The following MTMR12 variants were observed in gnomAD, a reference collection of about 807,000 sequenced individuals.
MTMR12 encodes the protein myotubularin related protein 12.
In MTMR12, 33 loss-of-function variants were observed where a neutral mutation model predicts 96.7. That is an observed-to-expected ratio of 0.34 (90% confidence interval 0.26 to 0.46). The LOEUF (loss-of-function observed/expected upper bound fraction) is 0.46, where lower values mean the gene tolerates loss of function less well. Among genes scored for constraint, MTMR12 ranks in the 20% least tolerant of loss-of-function variants. The pLI, the probability that MTMR12 is intolerant of heterozygous loss-of-function variation, is 1.00. For synonymous variants in MTMR12, 298 were observed against 327.2 expected, an observed-to-expected ratio of 0.91 and a Z score of 0.96; for missense variants, 721 against 896.1, an observed-to-expected ratio of 0.80 and a Z score of 2.49.
rs934500571 is a variant in MTMR12 at position 32,312,283 on chromosome 5, G to A, written c.81+475C>T. On this transcript the variant is annotated intron_variant, in intron 1 of 15. Transcript: ENST00000382142. This position sits in a 1 kb window ranked among gnomAD's most constrained non-coding sequence, Gnocchi z 5.0. ...TGACGGGAGGCGGACGTAGGTGCAGGGCATCCCGCCAGCCGCACCCGAGGC... is the reference window on the plus strand; with the variant it reads ...TGACGGGAGGCGGACGTAGGTGCAGAGCATCCCGCCAGCCGCACCCGAGGC... Among the ~76,000 whole-genome samples, 11 of 152,168 alleles carry A rather than the reference G, an allele frequency of 7.2e-5. No individual in the cohort carries two copies. The highest frequency in any genetic ancestry group is 8.8e-5 in the Non-Finnish European group (6 of 68,030).
In MTMR12 at chr5:32,229,821, A is replaced by C. The variant is rs755883617; in HGVS notation, c.2201T>G (p.Leu734Trp). The change falls in exon 16 of 16, where the codon TTG becomes TGG. Residue 734 changes from leucine to tryptophan, a missense_variant. Coordinates refer to ENST00000382142, the MANE Select transcript of MTMR12 (RefSeq NM_001040446.3). ...GWKALGDEDDLAKREDEFVDL... is the reference protein window; with the variant it reads ...GWKALGDEDDWAKREDEFVDL... Reference sequence around the variant, plus strand: ...CACGAACTCATCTTCTCGTTTGGCCAAATCGTCTTCATCTCCCAAAGCTTT... The same window carrying C: ...CACGAACTCATCTTCTCGTTTGGCCCAATCGTCTTCATCTCCCAAAGCTTT... 3 of 1,572,896 alleles carry C rather than the reference A, an allele frequency of 1.9e-6. No homozygotes were observed. Among genetic ancestry groups the C allele is most frequent in the African/African-American group, 1.4e-5 (1 of 73,374 alleles).
rs1311820018 is a variant in MTMR12 at position 32,228,800 on chromosome 5, C to G, written c.*978G>C. ...ATGAAAGCCACATTCAAAAGTGACCCAATCCCATCAGTCCATAAAGGTAAA... is the reference window on the plus strand; with the variant it reads ...ATGAAAGCCACATTCAAAAGTGACCGAATCCCATCAGTCCATAAAGGTAAA... On this transcript the variant is annotated 3_prime_UTR_variant, in exon 16 of 16. Transcript: ENST00000382142. The G allele has an allele frequency of 6.6e-6, 1 of 151,626 alleles. No homozygotes were observed. Among genetic ancestry groups the G allele is most frequent in the African/African-American group, 2.4e-5 (1 of 41,090 alleles). 9.4% of individuals were successfully genotyped at this position (151,626 alleles called of 1,614,324 possible).
At chr5:32,242,192 T>A in intron 11 of MTMR12, 65 bp from the exon 12 acceptor site, 2 of 1,192,668 alleles carry the variant, frequency 1.7e-6, no homozygotes, top group Non-Finnish European at 2.4e-6. Context: ...AAACACTACG[T>A]AGTTGAGAGA....
At chr5:32,282,619 A>G (rs981762244) in intron 1 of MTMR12, among the ~76,000 whole-genome samples, 2 of 152,096 alleles carry the variant, frequency 1.3e-5, no homozygotes, top group Admixed American at 6.6e-5. Context: ...CCCCCCTCAA[A>G]CAAAAATCCA....
chr5:32,271,923 A>G lies in MTMR12; in HGVS notation c.286-18T>C. 6.9e-6 allele frequency: 10 copies of G among 1,440,356 alleles called. No homozygotes were observed. Among genetic ancestry groups the G allele is most frequent in the Non-Finnish European group, 9.6e-6 (10 of 1,045,684 alleles). The allele number at this position is 1,440,356 out of a possible 1,614,324, so 89.2% of individuals were successfully genotyped here. A position where few individuals can be genotyped will look rare whatever the true frequency, so the allele number is the denominator to read the frequency against. On this transcript the variant is annotated intron_variant, in intron 3 of 15. Coordinates refer to ENST00000382142, the MANE Select transcript of MTMR12 (RefSeq NM_001040446.3). ...TGAGTTTCCTAGAAGATTCAAAAGG[A>G]AACAACTGTGACTCCTCTGCATACT... is the stretch of plus-strand genomic sequence containing the variant.
intron 5 of MTMR12, 41 bp from the exon 6 acceptor site, chr5:32,268,835 C>T (rs368216756): frequency 2.0e-6 from 3 of 1,499,338 alleles, no homozygotes; most frequent in South Asian, 1.1e-5. Flanking sequence ...ATGGTTTTGA[C>T]AGATAAACAC....
At chr5:32,276,880 T>A in intron 1 of MTMR12, 138 bp from the exon 2 acceptor site, 8 of 304,172 alleles carry the variant, frequency 2.6e-5, no homozygotes, top group East Asian at 6.6e-5. Flanking sequence ...CTACTTTTTT[T>A]TTTTTTTTTT....
intron 11 of MTMR12, among the ~76,000 whole-genome samples, chr5:32,242,330 G>A (rs1244912399): frequency 6.6e-6 from 1 of 151,784 alleles, no homozygotes; most frequent in East Asian, 1.9e-4. Flanking sequence ...ATTAGAAACT[G>A]AAAATTTTCA....
rs962987932 is a variant in MTMR12 at position 32,312,351 on chromosome 5, C to T, written c.81+407G>A. Among the ~76,000 whole-genome samples, 1 of 152,222 alleles carries T rather than the reference C, an allele frequency of 6.6e-6. No homozygotes were observed. The highest frequency in any genetic ancestry group is 6.5e-5 in the Admixed American group (1 of 15,284). On this transcript the variant is annotated intron_variant, in intron 1 of 15. Coordinates refer to ENST00000382142, the MANE Select transcript of MTMR12 (RefSeq NM_001040446.3). This position sits in a 1 kb window ranked among gnomAD's most constrained non-coding sequence, Gnocchi z 5.0. Reference sequence around the variant, plus strand: ...GGAGGCCGGCGGGCTTCTGGGCTCACTGAGAAAGTCCAGAGGCAGGACGGA... The same window carrying T: ...GGAGGCCGGCGGGCTTCTGGGCTCATTGAGAAAGTCCAGAGGCAGGACGGA...
chr5:32,251,979 T>C (rs1748944022), intron 8 of MTMR12, among the ~76,000 whole-genome samples: 1 of 152,136 alleles, frequency 6.6e-6, no homozygotes, highest in Non-Finnish European at 1.5e-5. Flanking sequence ...AGAACAATGA[T>C]ATAGGAACCA....
chr5:32,289,616 G>T (rs1159653938), intron 1 of MTMR12, among the ~76,000 whole-genome samples: 2 of 152,140 alleles, frequency 1.3e-5, no homozygotes, highest in African/African-American at 4.8e-5. Flanking sequence ...GTTAAAGTAG[G>T]GGCTTATGGA....
intron 13 of MTMR12, among the ~76,000 whole-genome samples, chr5:32,235,655 A>T (rs1263456301): frequency 6.6e-6 from 1 of 152,084 alleles, no homozygotes; most frequent in Non-Finnish European, 1.5e-5. Flanking sequence ...CCTCCTGTCC[A>T]CCCCGCAGTG....
chr5:32,235,259 ATACT>A, intron 13 of MTMR12, 130 bp from the exon 14 acceptor site: 1 of 752,060 alleles, frequency 1.3e-6, no homozygotes, highest in Non-Finnish European at 2.1e-6. Flanking sequence ...GAAACACAGA[ATACT>A]CCATACCATC....
At position 32,239,160 on chromosome 5, in the gene MTMR12, G is replaced by A. The variant is rs773863659; in HGVS notation, c.1185C>T (p.Ser395=). The A allele has an allele frequency of 3.3e-5, 53 of 1,600,342 alleles. No homozygotes were observed. The highest frequency in any genetic ancestry group is 2.7e-4 in the East Asian group (12 of 44,642). ...MNVLLLEENA[S]DLCCLISSLV... is the part of the protein sequence containing the mutation. ...GAGAGGAAATGAGACAGCAGAGGTC[G>A]GATGCATTCTCCTCTAGGAGAGGCC... is the stretch of plus-strand genomic sequence containing the variant. The change falls in exon 13 of 16, where the codon TCC becomes TCT. Residue 395 remains serine (S), a synonymous_variant. Coordinates refer to ENST00000382142, the MANE Select transcript of MTMR12 (RefSeq NM_001040446.3).
intron 1 of MTMR12, among the ~76,000 whole-genome samples, chr5:32,292,027 A>G (rs189960044): frequency 2.6e-5 from 4 of 152,204 alleles, no homozygotes; most frequent in African/African-American, 9.7e-5. Context: ...ATTGCCTCTG[A>G]CCAAGGCACT....
chr5:32,291,201 T>C (rs1750725987), intron 1 of MTMR12, among the ~76,000 whole-genome samples: 1 of 152,164 alleles, frequency 6.6e-6, no homozygotes, highest in Non-Finnish European at 1.5e-5. Flanking sequence ...GGTTCACAGA[T>C]GGTTCTGCAA....
intron 1 of MTMR12, among the ~76,000 whole-genome samples, chr5:32,300,552 G>GA (rs1751100663): frequency 2.0e-5 from 3 of 151,830 alleles, no homozygotes; most frequent in Non-Finnish European, 4.4e-5. Context: ...CCACACTGAG[G>GA]GCCTCTCTCA....
chr5:32,240,982 C>T (rs1748445457), intron 12 of MTMR12, among the ~76,000 whole-genome samples: 1 of 152,166 alleles, frequency 6.6e-6, no homozygotes, highest in Admixed American at 6.5e-5. Flanking sequence ...GAATGAAGGA[C>T]TAAAAGAGAT....
At chr5:32,236,656 G>A (rs1418725186) in intron 13 of MTMR12, among the ~76,000 whole-genome samples, 1 of 151,888 alleles carries the variant, frequency 6.6e-6, no homozygotes, top group East Asian at 1.9e-4. Context: ...TGACCAACAT[G>A]GTGAAACCCT....
Sources: gnomAD v4.1 joint callset for allele counts (sites outside exome capture counted in the v4.1 genomes callset) on GRCh38, gnomAD v4.1.1 for gene constraint, Gnocchi (gnomAD v3.1) non-coding constraint, MANE v1.5 for transcripts, NCBI Gene and HGNC (gene_info 2026-07-23, HGNC 2026-07-21) for gene names.